PKN2: variants seen among roughly 807,000 people sequenced by gnomAD.
PKN2 encodes serine/threonine-protein kinase N2.
A neutral mutation model predicts 119.1 loss-of-function variants in PKN2; 38 were observed. That is an observed-to-expected ratio of 0.32 (90% CI 0.25 to 0.42). The LOEUF (loss-of-function observed/expected upper bound fraction) is 0.42. PKN2 is among the 10% of genes least tolerant of loss of function. PKN2 has a pLI of 1.00. For missense variants in PKN2, 850 were observed against 1,165.1 expected (o/e 0.73, Z 3.94); for synonymous variants, 390 against 384.9 (o/e 1.01, Z -0.15).
At chr1:88,716,946 C>T (rs1667480820) in intron 1 of PKN2, among the ~76,000 whole-genome samples, 1 of 152,180 alleles carries the variant, frequency 6.6e-6, no homozygotes, top group South Asian at 2.1e-4. Context: ...TTGTTCCTTT[C>T]CATGTTTAGT....
intron 15 of PKN2, among the ~76,000 whole-genome samples, chr1:88,808,274 T>G (rs1413781125): frequency 2.6e-5 from 4 of 152,052 alleles, no homozygotes; most frequent in Non-Finnish European, 5.9e-5. Context: ...TAAGTTGTGG[T>G]ATCTTATACA....
intron 18 of PKN2, among the ~76,000 whole-genome samples, chr1:88,826,079 T>C (rs1462781695): frequency 6.6e-6 from 1 of 152,214 alleles, no homozygotes; most frequent in Non-Finnish European, 1.5e-5. Context: ...GGAGCCCTTC[T>C]TCACTATTCT....
chr1:88,744,611 A>AG (rs996773174), intron 2 of PKN2, among the ~76,000 whole-genome samples: 21 of 152,114 alleles, frequency 1.4e-4, no homozygotes, highest in African/African-American at 5.1e-4. Flanking sequence ...TAGTAGAGGC[A>AG]GGGTTTCATC....
chr1:88,819,554 A>C (rs1672159615), intron 16 of PKN2, among the ~76,000 whole-genome samples: 1 of 152,250 alleles, frequency 6.6e-6, no homozygotes, highest in Non-Finnish European at 1.5e-5. Context: ...GAATGTTTTT[A>C]CACTGTTGGT....
intron 1 of PKN2, among the ~76,000 whole-genome samples, chr1:88,716,219 G>A (rs988020882): frequency 6.6e-6 from 1 of 152,084 alleles, no homozygotes; most frequent in Non-Finnish European, 1.5e-5. Flanking sequence ...CCAACTATGT[G>A]GTCAATTTTG....
chr1:88,784,912 T>C lies in PKN2; in HGVS notation c.1171+88T>C, dbSNP rs537886357. 1.8e-4 allele frequency: 112 copies of C among 618,934 alleles called. 3 individuals are homozygous for C. The South Asian group carries it at 5.1e-3, about 28-fold the overall frequency. 38.3% of individuals were successfully genotyped at this position (618,934 alleles called of 1,614,324 possible). A position where few individuals can be genotyped will look rare whatever the true frequency, so the allele number is the denominator to read the frequency against. On this transcript the variant is annotated intron_variant, in intron 7 of 21. Coordinates refer to ENST00000370521, the MANE Select transcript of PKN2 (RefSeq NM_006256.4). Reference sequence around the variant, plus strand: ...GAAGTGTTCAAGTTGGACAAAACACTTTAAAATTATGGTTTTTATAATTTA... The same window carrying C: ...GAAGTGTTCAAGTTGGACAAAACACCTTAAAATTATGGTTTTTATAATTTA...
chr1:88,786,707 G>A (rs1272992608), intron 8 of PKN2, among the ~76,000 whole-genome samples: 1 of 152,128 alleles, frequency 6.6e-6, no homozygotes, highest in Non-Finnish European at 1.5e-5. Flanking sequence ...TAAATCCATA[G>A]TGGTAACTTT....
chr1:88,769,476 TG>T (rs1669799058), intron 3 of PKN2, among the ~76,000 whole-genome samples: 1 of 152,238 alleles, frequency 6.6e-6, no homozygotes, highest in African/African-American at 2.4e-5. Flanking sequence ...CTTTATGTTT[TG>T]TGTAAAGCAA....
chr1:88,757,628 A>G (rs570493375), intron 2 of PKN2, among the ~76,000 whole-genome samples: 1 of 152,170 alleles, frequency 6.6e-6, no homozygotes, highest in South Asian at 2.1e-4. Context: ...TGACCAAGTT[A>G]CTTATCACCT....
intron 6 of PKN2, among the ~76,000 whole-genome samples, chr1:88,774,586 A>G (rs777513824): frequency 6.6e-6 from 1 of 151,938 alleles, no homozygotes; most frequent in African/African-American, 2.4e-5. Flanking sequence ...GCCAAATTAT[A>G]TACAACAAAA....
At chr1:88,821,807 G>C in intron 16 of PKN2, 134 bp from the exon 17 acceptor site, 1 of 642,884 alleles carries the variant, frequency 1.6e-6, no homozygotes, top group South Asian at 2.9e-5. Flanking sequence ...AGCACAATGT[G>C]ATACATAGTA....
chr1:88,770,272 A>T, intron 3 of PKN2, 80 bp from the exon 4 acceptor site: 2 of 756,226 alleles, frequency 2.6e-6, no homozygotes, highest in Non-Finnish European at 4.6e-6. Flanking sequence ...CTGATATATC[A>T]CTTGATCTGT....
chr1:88,765,378 G>T (rs906006774), intron 3 of PKN2, among the ~76,000 whole-genome samples: 1 of 151,792 alleles, frequency 6.6e-6, no homozygotes, highest in Non-Finnish European at 1.5e-5. Flanking sequence ...ATCTTGCATC[G>T]GTTTTAAGTG....
intron 19 of PKN2, chr1:88,829,076 GC>G (rs1187327215): frequency 1.9e-5 from 13 of 675,720 alleles, no homozygotes; most frequent in Admixed American, 5.8e-5. Flanking sequence ...TCCTGGGGAA[GC>G]AAAGTAGAAT....
rs1434115024 is a variant in PKN2, at chr1:88,833,548, T to C, written c.*100T>C. ...GTGCCACCAATAGCTTCTGAGTTTT[T>C]TGTTGTTGTTGTTTTTATTGAAACA... is the stretch of plus-strand genomic sequence containing the variant. On this transcript the variant is annotated 3_prime_UTR_variant, in exon 22 of 22. Coordinates refer to ENST00000370521, the MANE Select transcript of PKN2 (RefSeq NM_006256.4). 2.4e-6 allele frequency: 2 copies of C among 825,642 alleles called. No homozygotes were observed. The allele number at this position is 825,642 out of a possible 1,614,324, so 51.1% of individuals were successfully genotyped here.
chr1:88,806,154 T>G (rs1339018881), intron 12 of PKN2, 137 bp downstream of exon 12: 1 of 785,056 alleles, frequency 1.3e-6, no homozygotes, highest in Non-Finnish European at 2.0e-6. Flanking sequence ...TTGTTTTTTG[T>G]TTTTGTTTTT....
intron 1 of PKN2, among the ~76,000 whole-genome samples, chr1:88,726,585 G>T (rs1046872381): frequency 6.6e-6 from 1 of 152,022 alleles, no homozygotes; most frequent in Non-Finnish European, 1.5e-5. Flanking sequence ...AGTATATTTT[G>T]TTGAGGATTA....
chr1:88,785,771 T>C (rs1670546099), intron 7 of PKN2, among the ~76,000 whole-genome samples: 2 of 152,194 alleles, frequency 1.3e-5, no homozygotes, highest in Admixed American at 1.3e-4. Context: ...AAACAAGCTC[T>C]ATAAATATAA....
chr1:88,776,341 C>T (rs1029489314), intron 6 of PKN2, among the ~76,000 whole-genome samples: 6 of 150,936 alleles, frequency 4.0e-5, no homozygotes, highest in Non-Finnish European at 2.9e-5. Flanking sequence ...TGTCTACCTC[C>T]CTTAGCTTTT....
Sources: gnomAD v4.1 joint callset for allele counts (sites outside exome capture counted in the v4.1 genomes callset) on GRCh38, gnomAD v4.1.1 for gene constraint, MANE v1.5 for transcripts, NCBI Gene and HGNC (gene_info 2026-07-23, HGNC 2026-07-21) for gene names.